UHRF2: variants seen among roughly 807,000 people sequenced by gnomAD.
The protein encoded by UHRF2 is E3 ubiquitin-protein ligase UHRF2.
Under a neutral mutation model 96.8 loss-of-function variants are expected in UHRF2, and 23 were observed. The observed-to-expected ratio is 0.24, with a 90% confidence interval of 0.17 to 0.34. The LOEUF (loss-of-function observed/expected upper bound fraction) is 0.34, where lower values mean the gene tolerates loss of function less well. UHRF2 is among the 10% of genes least tolerant of loss of function. The pLI, the probability that UHRF2 is intolerant of heterozygous loss-of-function variation, is 1.00. For missense variants in UHRF2, 685 were observed against 981.5 expected (o/e 0.70, Z 4.04); for synonymous variants, 385 against 332.6 (o/e 1.16, Z -1.72).
intron 3 of UHRF2, among the ~76,000 whole-genome samples, chr9:6,434,766 A>C (rs1254252247): frequency 6.6e-6 from 1 of 151,920 alleles, no homozygotes; most frequent in Admixed American, 6.6e-5. Flanking sequence ...TATGTATTTT[A>C]ACAGTATTTT....
At position 6,438,605 on chromosome 9, in the gene UHRF2, C is replaced by T. The variant is rs117063530; in HGVS notation, c.644+4432C>T. On this transcript the variant is annotated intron_variant, in intron 3 of 15. Transcript: ENST00000276893. ...AGTGTAGCAGTGTAGTTTGAACAAG[C>T]TGTCATTTAGCAAAAGCAGGGAGAT... Among the ~76,000 whole-genome samples the T allele has an allele frequency of 3.2e-3, 480 of 152,258 alleles. 4 individuals carry two copies. The highest frequency in any genetic ancestry group is 5.4e-3 in the Non-Finnish European group (366 of 68,016).
intron 8 of UHRF2, among the ~76,000 whole-genome samples, chr9:6,482,760 C>G (rs1171891892): frequency 6.6e-6 from 1 of 152,010 alleles, no homozygotes; most frequent in Non-Finnish European, 1.5e-5. Flanking sequence ...CCACGCCTGG[C>G]TAATTTCTTG....
intron 4 of UHRF2, among the ~76,000 whole-genome samples, chr9:6,463,825 T>G (rs1822706794): frequency 6.6e-6 from 1 of 152,102 alleles, no homozygotes; most frequent in Non-Finnish European, 1.5e-5. Flanking sequence ...CTGGTAAGAA[T>G]GGATAAATAA....
At chr9:6,504,075 G>T (rs1341321995) in intron 14 of UHRF2, among the ~76,000 whole-genome samples, 1 of 143,242 alleles carries the variant, frequency 7.0e-6, no homozygotes, top group African/African-American at 2.7e-5. Flanking sequence ...ACCCAGGCTG[G>T]AGTGCAGTGG....
chr9:6,480,907 A>G (rs774899938), intron 6 of UHRF2, among the ~76,000 whole-genome samples: 9 of 152,204 alleles, frequency 5.9e-5, no homozygotes, highest in Non-Finnish European at 1.0e-4. Context: ...AAAGCTACGT[A>G]GAATAGATAA....
At chr9:6,419,522 A>G (rs534071359) in intron 1 of UHRF2, among the ~76,000 whole-genome samples, 4 of 152,266 alleles carry the variant, frequency 2.6e-5, no homozygotes, top group South Asian at 4.1e-4. Flanking sequence ...GAAAGATAAC[A>G]TATTTGACTT....
At chr9:6,431,605 T>G (rs1286057689) in intron 2 of UHRF2, among the ~76,000 whole-genome samples, 1 of 152,338 alleles carries the variant, frequency 6.6e-6, no homozygotes, top group African/African-American at 2.4e-5. Flanking sequence ...TTACGTCCAG[T>G]TGTAAATCTA....
At chr9:6,472,375 A>C (rs1823296487) in intron 4 of UHRF2, among the ~76,000 whole-genome samples, 1 of 152,256 alleles carries the variant, frequency 6.6e-6, no homozygotes, top group South Asian at 2.1e-4. Flanking sequence ...ACAGTATAAC[A>C]TGCTTACAAG....
chr9:6,465,324 C>T (rs189593162), intron 4 of UHRF2, among the ~76,000 whole-genome samples: 32 of 152,252 alleles, frequency 2.1e-4, no homozygotes, highest in African/African-American at 7.2e-4. Flanking sequence ...CGGATTTATG[C>T]TAGTTTCACA....
chr9:6,495,503 A>G (rs1213706595), intron 10 of UHRF2: 1 of 152,164 alleles, frequency 6.6e-6, no homozygotes, highest in African/African-American at 2.4e-5. Context: ...CCAGTAGTGT[A>G]TGGTTGAATT....
intron 1 of UHRF2, among the ~76,000 whole-genome samples, chr9:6,419,081 G>C (rs1587756238): frequency 6.6e-6 from 1 of 152,106 alleles, no homozygotes; most frequent in Non-Finnish European, 1.5e-5. Context: ...TAATGACTTT[G>C]TTTTAACTTA....
chr9:6,499,667 T>C (rs943378176), intron 12 of UHRF2, 168 bp from the exon 13 acceptor site: 5 of 449,624 alleles, frequency 1.1e-5, no homozygotes, highest in African/African-American at 1.0e-4. Flanking sequence ...AATAGTTGTC[T>C]GTGCTTTGAA....
At chr9:6,489,303 T>C (rs1229120166) in intron 9 of UHRF2, among the ~76,000 whole-genome samples, 1 of 152,250 alleles carries the variant, frequency 6.6e-6, no homozygotes, top group African/African-American at 2.4e-5. Flanking sequence ...GTTCATTTAA[T>C]CATTTACTCA....
intron 1 of UHRF2, among the ~76,000 whole-genome samples, chr9:6,417,207 A>C (rs747728298): frequency 6.6e-6 from 1 of 152,084 alleles, no homozygotes; most frequent in Admixed American, 6.5e-5. Flanking sequence ...CCCTTGCATC[A>C]TTGTTGCAGT....
At position 6,447,044 on chromosome 9, in the gene UHRF2, A is replaced by G. The variant is rs536156025; in HGVS notation, c.644+12871A>G. ...GCTGGGACCACAGGTGCCTGCTACC[A>G]CACCCGGCTAATTTTTTTGTATTTT... is the stretch of plus-strand genomic sequence containing the variant. On this transcript the variant is annotated intron_variant, in intron 3 of 15. Transcript: ENST00000276893. 4.0e-4 allele frequency among the ~76,000 whole-genome samples: 60 copies of G among 151,848 alleles called. No homozygotes were observed. The South Asian group carries it at 0.012, about 31-fold the overall frequency.
chr9:6,417,688 C>T (rs1213579666), intron 1 of UHRF2, among the ~76,000 whole-genome samples: 1 of 152,168 alleles, frequency 6.6e-6, no homozygotes, highest in East Asian at 1.9e-4. Context: ...TTTAAAAAGC[C>T]TGTCATAGCA....
chr9:6,437,825 C>T (rs1052101707), intron 3 of UHRF2, among the ~76,000 whole-genome samples: 2 of 152,032 alleles, frequency 1.3e-5, no homozygotes, highest in Non-Finnish European at 2.9e-5. Context: ...ACCACGTTGG[C>T]CAAGGTGGTC....
At chr9:6,463,738 T>C (rs1822699040) in intron 4 of UHRF2, among the ~76,000 whole-genome samples, 1 of 152,108 alleles carries the variant, frequency 6.6e-6, no homozygotes, top group Non-Finnish European at 1.5e-5. Context: ...CCCAAAGTGG[T>C]AGGATTATAG....
chr9:6,477,904 A>T, intron 6 of UHRF2, 96 bp downstream of exon 6: 1 of 1,136,890 alleles, frequency 8.8e-7, no homozygotes, highest in Non-Finnish European at 1.2e-6. Context: ...GATACATAAT[A>T]TAAAAGTGCT....
Sources: gnomAD v4.1 joint callset for allele counts (sites outside exome capture counted in the v4.1 genomes callset) on GRCh38, gnomAD v4.1.1 for gene constraint, MANE v1.5 for transcripts, NCBI Gene and HGNC (gene_info 2026-07-23, HGNC 2026-07-21) for gene names.